Variants in HSPA4 observed in about 807,000 individuals in gnomAD.
HSPA4 encodes the protein heat shock 70 kDa protein 4.
A neutral mutation model predicts 106.2 loss-of-function variants in HSPA4; 25 were observed. The observed-to-expected ratio is 0.24, with a 90% CI of 0.17 to 0.33. HSPA4 has a LOEUF of 0.33. HSPA4 is among the 10% of genes least tolerant of loss of function. HSPA4 has a pLI of 1.00. For missense variants in HSPA4, 841 were observed against 996.0 expected, an observed-to-expected ratio of 0.84 and a Z score of 2.10; for synonymous variants, 332 against 333.6, an observed-to-expected ratio of 1.00 and a Z score of 0.05.
chr5:133,079,023 T>C (rs1232983962), intron 7 of HSPA4, among the ~76,000 whole-genome samples: 2 of 152,196 alleles, frequency 1.3e-5, no homozygotes, highest in African/African-American at 4.8e-5. Flanking sequence ...CACGAGATAC[T>C]GTGCCTGGCC....
rs1765417915 is a variant in HSPA4, at chr5:133,074,088, C to G, written c.625C>G (p.Gln209Glu). Reference sequence around the variant, plus strand: ...TGTAGACATGGGCCACTCTGCTTATCAAGTTTCTGTATGTGCATTTAATAG... The same window carrying G: ...TGTAGACATGGGCCACTCTGCTTATGAAGTTTCTGTATGTGCATTTAATAG... ...VFVDMGHSAY[Q>E]VSVCAFNRGK... The change falls in exon 6 of 19, where the codon CAA becomes GAA. Residue 209 changes from glutamine (Q) to glutamate (E), a missense_variant. This residue lies in a region of HSPA4 where 347 missense variants were observed against 408.7 expected (regional missense o/e 0.85). Transcript: ENST00000304858. 6.2e-7 allele frequency: 1 copy of G among 1,605,538 alleles called. No individual in the cohort carries two copies. The highest frequency in any genetic ancestry group is 1.1e-5 in the South Asian group (1 of 89,302).
intron 6 of HSPA4, among the ~76,000 whole-genome samples, chr5:133,075,872 AC>A (rs1416481337): frequency 6.6e-6 from 1 of 152,114 alleles, no homozygotes; most frequent in Non-Finnish European, 1.5e-5. Flanking sequence ...TTACAATCTT[AC>A]CATTCTTAAC....
intron 1 of HSPA4, 35 bp downstream of exon 1, chr5:133,052,392 GT>G: frequency 1.5e-6 from 2 of 1,331,704 alleles, no homozygotes; most frequent in Non-Finnish European, 2.1e-6. Flanking sequence ...GTGCACTGGG[GT>G]TAGGAGATAA....
chr5:133,104,467 A>G lies in HSPA4; in HGVS notation c.*31A>G. 1 of 1,576,464 alleles carries G rather than the reference A, an allele frequency of 6.3e-7. No individual in the cohort carries two copies. The highest frequency in any genetic ancestry group is 8.7e-7 in the Non-Finnish European group (1 of 1,148,444). On this transcript the variant is annotated 3_prime_UTR_variant, in exon 19 of 19. Transcript: ENST00000304858. ...ACACTTGTTTCTATTAAAACAGACT[A>G]TTATAAAGCTTTAAGTTGTCAACTT...
intron 2 of HSPA4, among the ~76,000 whole-genome samples, chr5:133,065,597 G>C (rs1765296888): frequency 6.6e-6 from 1 of 152,204 alleles, no homozygotes; most frequent in African/African-American, 2.4e-5. Context: ...TCCAGATCTT[G>C]TTAAGCAAGG....
chr5:133,053,955 C>T (rs963275504), intron 1 of HSPA4, among the ~76,000 whole-genome samples: 5 of 151,984 alleles, frequency 3.3e-5, no homozygotes, highest in Admixed American at 2.6e-4. Context: ...TCACGGTGCC[C>T]GGCCCCAGGG....
At chr5:133,090,638 G>A (rs934333126) in intron 11 of HSPA4, among the ~76,000 whole-genome samples, 2 of 152,004 alleles carry the variant, frequency 1.3e-5, no homozygotes, top group Admixed American at 1.3e-4. Context: ...AAAGAAATTA[G>A]GAGTATCCTG....
intron 4 of HSPA4, among the ~76,000 whole-genome samples, chr5:133,071,601 C>T (rs80154964): frequency 0.024 from 3,674 of 152,262 alleles, 142 homozygotes; most frequent in African/African-American, 0.081. Context: ...ATTGGCTTTG[C>T]CACCGAATCT....
At chr5:133,069,685 A>G (rs1765357058) in intron 3 of HSPA4, among the ~76,000 whole-genome samples, 1 of 152,250 alleles carries the variant, frequency 6.6e-6, no homozygotes, top group Non-Finnish European at 1.5e-5. Context: ...GATGGATAAT[A>G]AACAGTAAAC....
At chr5:133,094,555 G>A (rs182693611) in intron 13 of HSPA4, among the ~76,000 whole-genome samples, 1 of 152,264 alleles carries the variant, frequency 6.6e-6, no homozygotes. Context: ...GTGGGATGGG[G>A]GCAGCAGTGG....
intron 7 of HSPA4, among the ~76,000 whole-genome samples, chr5:133,081,762 T>C (rs1765516999): frequency 6.6e-6 from 1 of 152,200 alleles, no homozygotes. Context: ...TTTCATTACC[T>C]AGTTTTGTTG....
At chr5:133,093,358 A>G (rs1291736697) in intron 13 of HSPA4, among the ~76,000 whole-genome samples, 3 of 152,142 alleles carry the variant, frequency 2.0e-5, no homozygotes, top group African/African-American at 7.2e-5. Context: ...TTACTAGGCT[A>G]GTGATTTATT....
intron 7 of HSPA4, among the ~76,000 whole-genome samples, chr5:133,079,163 T>C (rs1455705684): frequency 6.6e-6 from 1 of 152,234 alleles, no homozygotes; most frequent in Non-Finnish European, 1.5e-5. Context: ...ATCATAAAAT[T>C]AAGCATTTTA....
Position 133,104,522 on chromosome 5 carries a change from T to C in HSPA4, c.*86T>C. 1 of 1,205,370 alleles carries C rather than the reference T, an allele frequency of 8.3e-7. No individual in the cohort carries two copies. 74.7% of individuals were successfully genotyped at this position (1,205,370 alleles called of 1,614,324 possible). A position where few individuals can be genotyped will look rare whatever the true frequency, so the allele number is the denominator to read the frequency against. On this transcript the variant is annotated 3_prime_UTR_variant, in exon 19 of 19. Transcript: ENST00000304858. Reference sequence around the variant, plus strand: ...CTAAATATCAACTAGCGCAAGTGAATACTGAAGATTTCTTAGTCAGTTTTT... The same window carrying C: ...CTAAATATCAACTAGCGCAAGTGAACACTGAAGATTTCTTAGTCAGTTTTT...
chr5:133,085,427 G>GA (rs1765565118), intron 7 of HSPA4, among the ~76,000 whole-genome samples: 1 of 148,326 alleles, frequency 6.7e-6, no homozygotes, highest in African/African-American at 2.5e-5. Flanking sequence ...TGAGGCAGGT[G>GA]AATCACTTGA....
At chr5:133,093,571 G>GCCC (rs11438170) in intron 13 of HSPA4, among the ~76,000 whole-genome samples, 1 of 152,004 alleles carries the variant, frequency 6.6e-6, no homozygotes, top group African/African-American at 2.4e-5. Flanking sequence ...GCTCACTGCA[G>GCCC]CCCCCGCCTT....
At chr5:133,061,919 C>G (rs1765249201) in intron 1 of HSPA4, among the ~76,000 whole-genome samples, 1 of 152,214 alleles carries the variant, frequency 6.6e-6, no homozygotes, top group Non-Finnish European at 1.5e-5. Context: ...CAGACGTGAG[C>G]CACCGTGCCC....
In HSPA4 at chr5:133,104,312, C is replaced by G. The variant is rs929169681; in HGVS notation, c.2399C>G (p.Ala800Gly). The G allele has an allele frequency of 6.2e-7, 1 of 1,614,094 alleles. No homozygotes were observed. ...CCTCCAAAAGAGGAACAAAAAAATG[C>G]AGAGCAGAATGGACCAGTGGATGGA... ...VEPPKEEQKNAEQNGPVDGQG... is the reference protein window; with the variant it reads ...VEPPKEEQKNGEQNGPVDGQG... The change falls in exon 19 of 19, where the codon GCA (alanine) becomes GGA (glycine). Residue 800 changes from alanine (A) to glycine (G), a missense_variant. Ala to Gly is a moderately conservative substitution (Grantham distance 60). This residue lies in a region of HSPA4 where 328 missense variants were observed against 372.2 expected (regional missense o/e 0.88). Coordinates refer to ENST00000304858, the MANE Select transcript of HSPA4 (RefSeq NM_002154.4).
chr5:133,066,560 C>T (rs1765307629), intron 2 of HSPA4, among the ~76,000 whole-genome samples: 1 of 152,092 alleles, frequency 6.6e-6, no homozygotes, highest in Admixed American at 6.6e-5. Flanking sequence ...GTATGAATAG[C>T]CCATAATTTA....
Sources: allele counts gnomAD v4.1 joint callset (sites outside exome capture counted in the v4.1 genomes callset), GRCh38; gene constraint gnomAD v4.1.1; regional missense constraint gnomAD v4.1.1; transcripts MANE v1.5; gene names NCBI Gene and HGNC (gene_info 2026-07-23, HGNC 2026-07-21).